RANBP17: variants seen among roughly 807,000 people sequenced by gnomAD.
The protein encoded by RANBP17 is ran-binding protein 17.
A neutral mutation model predicts 141.2 loss-of-function variants in RANBP17; 158 were observed. The observed-to-expected ratio is 1.12, with a 90% CI of 0.98 to 1.28. RANBP17 has a LOEUF of 1.28. Ranked by LOEUF, RANBP17 falls within the 50% of genes most tolerant of loss-of-function variation. The probability of loss-of-function intolerance (pLI) is 0.00; values close to 1 mark genes in which losing one functional copy is unlikely to be tolerated. For synonymous variants in RANBP17, 430 were observed against 450.0 expected (o/e 0.96, Z 0.56); for missense variants, 1,438 against 1,290.7 (o/e 1.11, Z -1.75).
intron 14 of RANBP17, among the ~76,000 whole-genome samples, chr5:171,078,106 A>C (rs1785050541): frequency 6.6e-6 from 1 of 151,606 alleles, no homozygotes; most frequent in Non-Finnish European, 1.5e-5. Flanking sequence ...TGGCTTCACT[A>C]AACAACAGAT....
chr5:171,230,644 C>T (rs1034167435), intron 22 of RANBP17, among the ~76,000 whole-genome samples: 1 of 152,106 alleles, frequency 6.6e-6, no homozygotes, highest in African/African-American at 2.4e-5. Flanking sequence ...CACCTGTAAT[C>T]CCAGCTACCT....
intron 12 of RANBP17, among the ~76,000 whole-genome samples, chr5:170,934,670 A>G (rs1056489924): frequency 1.3e-5 from 2 of 152,150 alleles, no homozygotes; most frequent in Non-Finnish European, 2.9e-5. Flanking sequence ...CTGCCGAGAG[A>G]TCTGCTGTTA....
At chr5:171,052,114 G>A (rs959082665) in intron 14 of RANBP17, among the ~76,000 whole-genome samples, 2 of 152,010 alleles carry the variant, frequency 1.3e-5, no homozygotes, top group East Asian at 1.9e-4. Flanking sequence ...ACTTTTTCTT[G>A]TTGAATTGTT....
intron 22 of RANBP17, among the ~76,000 whole-genome samples, chr5:171,227,103 T>C (rs1763927220): frequency 6.6e-6 from 1 of 152,206 alleles, no homozygotes. Flanking sequence ...CCTACAAGTA[T>C]TCAAGTGAAA....
chr5:171,138,905 A>T (rs1757502568), intron 14 of RANBP17, among the ~76,000 whole-genome samples: 1 of 152,058 alleles, frequency 6.6e-6, no homozygotes, highest in Non-Finnish European at 1.5e-5. Context: ...ATGAGTCGTC[A>T]TCTCTGCAAA....
intron 24 of RANBP17, among the ~76,000 whole-genome samples, chr5:171,244,052 C>CA (rs1457293463): frequency 1.3e-5 from 2 of 151,958 alleles, no homozygotes; most frequent in Non-Finnish European, 2.9e-5. Context: ...TGCACCATTG[C>CA]ACTCAGCCTG....
intron 27 of RANBP17, among the ~76,000 whole-genome samples, chr5:171,297,937 C>G (rs1581204393): frequency 7.0e-6 from 1 of 142,452 alleles, no homozygotes; most frequent in South Asian, 2.3e-4. Flanking sequence ...CTCACTGCAA[C>G]CTCCACCTCC....
At chr5:171,077,232 C>T (rs921921663) in intron 14 of RANBP17, among the ~76,000 whole-genome samples, 5 of 151,740 alleles carry the variant, frequency 3.3e-5, no homozygotes, top group South Asian at 4.2e-4. Context: ...CCCAGCTACT[C>T]GGGAAGCTGA....
chr5:171,123,584 G>A (rs1210882788), intron 14 of RANBP17, among the ~76,000 whole-genome samples: 2 of 152,236 alleles, frequency 1.3e-5, no homozygotes, highest in African/African-American at 2.4e-5. Context: ...GGACTGGCCT[G>A]TCAGTACCTG....
At chr5:170,928,002 G>A (rs978834446) in intron 12 of RANBP17, among the ~76,000 whole-genome samples, 5 of 151,986 alleles carry the variant, frequency 3.3e-5, no homozygotes, top group Non-Finnish European at 7.4e-5. Flanking sequence ...TTGTATAAGA[G>A]TTTCACTTAC....
chr5:171,157,956 T>C (rs939799851), intron 14 of RANBP17, among the ~76,000 whole-genome samples: 2 of 152,190 alleles, frequency 1.3e-5, no homozygotes, highest in African/African-American at 2.4e-5. Context: ...GGCAGTTTAG[T>C]GCTATGGTTG....
At chr5:171,025,925 T>G (rs1332207531) in intron 14 of RANBP17, among the ~76,000 whole-genome samples, 1 of 152,118 alleles carries the variant, frequency 6.6e-6, no homozygotes, top group Non-Finnish European at 1.5e-5. Flanking sequence ...CATCTGTGAT[T>G]AATCACAACT....
intron 14 of RANBP17, among the ~76,000 whole-genome samples, chr5:171,081,519 G>T (rs2127710161): frequency 6.6e-6 from 1 of 152,122 alleles, no homozygotes; most frequent in East Asian, 1.9e-4. Flanking sequence ...TAATAATCTT[G>T]ACTTTACAAA....
In RANBP17 at chr5:171,120,605, G is replaced by A. The variant is rs1040439587; in HGVS notation, c.1711-49525G>A. 1.1e-4 allele frequency among the ~76,000 whole-genome samples: 16 copies of A among 152,188 alleles called. No individual in the cohort carries two copies. The East Asian group carries it at 3.1e-3, about 29-fold the overall frequency. ...TAATTGCATTTCTCATTCAAATTGG[G>A]AATTGTTTTCTTGATTTTCTTGAAT... On this transcript the variant is annotated intron_variant, in intron 14 of 27. Coordinates refer to ENST00000523189, the MANE Select transcript of RANBP17 (RefSeq NM_022897.5).
chr5:171,104,262 C>T (rs1038065051), intron 14 of RANBP17, among the ~76,000 whole-genome samples: 7 of 152,116 alleles, frequency 4.6e-5, no homozygotes, highest in Admixed American at 2.6e-4. Flanking sequence ...GTCTCGAACA[C>T]CCAACCTCAG....
intron 13 of RANBP17, among the ~76,000 whole-genome samples, chr5:170,957,712 A>G (rs1775830593): frequency 6.6e-6 from 1 of 152,104 alleles, no homozygotes. Flanking sequence ...AGTGCTATTT[A>G]GTGTTCTTAA....
chr5:171,010,777 G>A (rs1345856439), intron 14 of RANBP17, among the ~76,000 whole-genome samples: 4 of 152,134 alleles, frequency 2.6e-5, no homozygotes, highest in Admixed American at 2.6e-4. Context: ...TTATGAATAA[G>A]TTTATACCAG....
chr5:171,263,708 C>G (rs1477683299), intron 24 of RANBP17, among the ~76,000 whole-genome samples: 8 of 152,298 alleles, frequency 5.3e-5, no homozygotes, highest in South Asian at 4.1e-4. Context: ...ATACCCTTCT[C>G]TTTTTACCAT....
chr5:171,029,004 G>A (rs1581439056), intron 14 of RANBP17: 1 of 1,170,550 alleles, frequency 8.5e-7, no homozygotes, highest in East Asian at 5.8e-5. Context: ...GGGCAAGTCA[G>A]TCTATATGTT....
Sources: gnomAD v4.1 joint callset for allele counts (sites outside exome capture counted in the v4.1 genomes callset) on GRCh38, gnomAD v4.1.1 for gene constraint, MANE v1.5 for transcripts, NCBI Gene and HGNC (gene_info 2026-07-23, HGNC 2026-07-21) for gene names.